Variants in ATP8A2 observed in about 807,000 individuals in gnomAD.
ATP8A2 encodes phospholipid-transporting ATPase IB.
A neutral mutation model predicts 165.6 loss-of-function variants in ATP8A2; 100 were observed. The ratio of observed to expected loss-of-function variants is 0.60; its 90% CI spans 0.51 to 0.71. The LOEUF (loss-of-function observed/expected upper bound fraction) is 0.71. Among genes scored for constraint, ATP8A2 ranks in the 30% least tolerant of loss-of-function variants. The pLI, the probability that ATP8A2 is intolerant of heterozygous loss-of-function variation, is 0.00. For synonymous variants in ATP8A2, 543 were observed against 548.8 expected, an observed-to-expected ratio of 0.99 and a Z score of 0.15; for missense variants, 1,227 against 1,479.5, an observed-to-expected ratio of 0.83 and a Z score of 2.80.
At chr13:25,512,162 A>C (rs2037248743) in intron 2 of ATP8A2, among the ~76,000 whole-genome samples, 1 of 151,218 alleles carries the variant, frequency 6.6e-6, no homozygotes, top group African/African-American at 2.4e-5. Context: ...TTTAACCCTG[A>C]GTGGACACAG....
intron 25 of ATP8A2, among the ~76,000 whole-genome samples, chr13:25,708,644 A>G (rs1355655075): frequency 6.6e-6 from 1 of 152,158 alleles, no homozygotes; most frequent in African/African-American, 2.4e-5. Context: ...TCCAGTTTGA[A>G]TAGGAAGCCC....
At chr13:25,827,019 C>T (rs1951336609) in intron 27 of ATP8A2, among the ~76,000 whole-genome samples, 1 of 152,144 alleles carries the variant, frequency 6.6e-6, no homozygotes, top group Admixed American at 6.5e-5. Context: ...TCTTCTACCC[C>T]AGTCCTGCTG....
chr13:25,846,777 A>G (rs574864817), intron 30 of ATP8A2, among the ~76,000 whole-genome samples: 2 of 152,172 alleles, frequency 1.3e-5, no homozygotes, highest in Non-Finnish European at 2.9e-5. Flanking sequence ...CAATCATGGC[A>G]CTTGAGAAAA....
At chr13:25,880,757 A>C in intron 33 of ATP8A2, 1 of 361,058 alleles carries the variant, frequency 2.8e-6, no homozygotes. Flanking sequence ...CATGCCCCCA[A>C]AGCTATTCAG....
At chr13:25,428,866 C>G (rs1365476463) in intron 1 of ATP8A2, among the ~76,000 whole-genome samples, 1 of 152,142 alleles carries the variant, frequency 6.6e-6, no homozygotes, top group African/African-American at 2.4e-5. Context: ...GCGTGATGGC[C>G]TCTGTCCAGC....
At chr13:25,716,913 C>T (rs2043267252) in intron 25 of ATP8A2, among the ~76,000 whole-genome samples, 1 of 152,144 alleles carries the variant, frequency 6.6e-6, no homozygotes, top group Non-Finnish European at 1.5e-5. Context: ...TATAGGACTA[C>T]TGAATATATA....
chr13:25,896,438 G>A (rs1236907568), intron 33 of ATP8A2, among the ~76,000 whole-genome samples: 1 of 152,196 alleles, frequency 6.6e-6, no homozygotes, highest in African/African-American at 2.4e-5. Flanking sequence ...TTGCTGAGGA[G>A]TGCTTTACTT....
At chr13:25,749,765 T>C (rs2044115220) in intron 25 of ATP8A2, among the ~76,000 whole-genome samples, 1 of 152,192 alleles carries the variant, frequency 6.6e-6, no homozygotes, top group East Asian at 1.9e-4. Context: ...GAAAGGAAGT[T>C]AAAATGGGAC....
intron 25 of ATP8A2, among the ~76,000 whole-genome samples, chr13:25,716,000 A>G (rs2043247732): frequency 1.3e-5 from 2 of 152,180 alleles, no homozygotes; most frequent in African/African-American, 4.8e-5. Context: ...TTCCTTTTTT[A>G]AGTCATAGCC....
intron 1 of ATP8A2, among the ~76,000 whole-genome samples, chr13:25,383,195 A>C (rs1265035732): frequency 6.7e-6 from 1 of 150,294 alleles, no homozygotes; most frequent in Non-Finnish European, 1.5e-5. Context: ...ACAGGCGTGC[A>C]CCACCATGCC....
At chr13:25,860,282 C>T in intron 31 of ATP8A2, 26 bp downstream of exon 31, 1 of 1,480,804 alleles carries the variant, frequency 6.8e-7, no homozygotes, top group Non-Finnish European at 9.4e-7. Flanking sequence ...TTTATTAAGC[C>T]ATTCTTAAAC....
At chr13:25,524,751 G>C (rs927830626) in intron 2 of ATP8A2, among the ~76,000 whole-genome samples, 3 of 151,968 alleles carry the variant, frequency 2.0e-5, no homozygotes, top group Non-Finnish European at 4.4e-5. Flanking sequence ...GCATATAGCT[G>C]AGTCTTGTTT....
intron 24 of ATP8A2, among the ~76,000 whole-genome samples, chr13:25,656,821 G>A (rs566671783): frequency 6.6e-6 from 1 of 151,544 alleles, no homozygotes; most frequent in African/African-American, 2.4e-5. Context: ...GGGAGTCCGA[G>A]GTGGGTGGAT....
intron 23 of ATP8A2, 69 bp from the exon 24 acceptor site, chr13:25,589,566 A>G: frequency 1.7e-6 from 2 of 1,181,458 alleles, no homozygotes; most frequent in South Asian, 2.5e-5. Flanking sequence ...GATATAACCA[A>G]GGAGGTTGAA....
At chr13:25,967,810 T>G (rs891491369) in intron 34 of ATP8A2, among the ~76,000 whole-genome samples, 2 of 152,176 alleles carry the variant, frequency 1.3e-5, no homozygotes, top group Non-Finnish European at 1.5e-5. Context: ...GACTCTGAGA[T>G]TGGCCAATTA....
intron 1 of ATP8A2, among the ~76,000 whole-genome samples, chr13:25,454,706 G>A (rs951846163): frequency 7.9e-5 from 12 of 152,114 alleles, no homozygotes; most frequent in Non-Finnish European, 8.8e-5. Context: ...GGTGAATCAC[G>A]AGGTCATGAG....
At chr13:25,645,274 T>A (rs1241081891) in intron 24 of ATP8A2, among the ~76,000 whole-genome samples, 1 of 152,160 alleles carries the variant, frequency 6.6e-6, no homozygotes, top group African/African-American at 2.4e-5. Context: ...CTTGTGAGAC[T>A]ATTCAGTATC....
At chr13:25,524,171 G>A (rs2037760567) in intron 2 of ATP8A2, among the ~76,000 whole-genome samples, 1 of 144,248 alleles carries the variant, frequency 6.9e-6, no homozygotes, top group Non-Finnish European at 1.6e-5. Flanking sequence ...GTAGTTTCCA[G>A]GGTTCTTATT....
At chr13:25,639,737 T>C (rs1374133480) in intron 24 of ATP8A2, among the ~76,000 whole-genome samples, 1 of 150,412 alleles carries the variant, frequency 6.6e-6, no homozygotes, top group Non-Finnish European at 1.5e-5. Flanking sequence ...TGAACTCAGC[T>C]GTGCACCAAG....
Sources: gnomAD v4.1 joint callset for allele counts (sites outside exome capture counted in the v4.1 genomes callset) on GRCh38, gnomAD v4.1.1 for gene constraint, MANE v1.5 for transcripts, NCBI Gene and HGNC (gene_info 2026-07-23, HGNC 2026-07-21) for gene names.